PLPP4: variants seen among roughly 807,000 people sequenced by gnomAD.
PLPP4 encodes the protein phospholipid phosphatase 4, also known as diacylglycerol pyrophosphate like 2.
A neutral mutation model predicts 32.2 loss-of-function variants in PLPP4; 20 were observed. That is an observed-to-expected ratio of 0.62 (90% CI 0.44 to 0.90). The LOEUF is 0.90. Ranked by LOEUF, PLPP4 falls within the 40% of genes least tolerant of loss-of-function variation. The pLI is 0.00. For missense variants in PLPP4, 257 were observed against 353.1 expected, an observed-to-expected ratio of 0.73 and a Z score of 2.18; for synonymous variants, 127 against 133.0, an observed-to-expected ratio of 0.95 and a Z score of 0.31.
At chr10:120,518,310 C>G (rs976205578) in intron 3 of PLPP4, among the ~76,000 whole-genome samples, 18 of 152,254 alleles carry the variant, frequency 1.2e-4, no homozygotes, top group East Asian at 7.7e-4. Flanking sequence ...TGCACCTTGG[C>G]AGAAACAGTG....
chr10:120,514,518 A>G (rs1845860007), intron 3 of PLPP4, among the ~76,000 whole-genome samples: 1 of 152,214 alleles, frequency 6.6e-6, no homozygotes, highest in Non-Finnish European at 1.5e-5. Context: ...TTTGGTAGTT[A>G]AGTGTTCATT....
In PLPP4 at chr10:120,590,910, A is replaced by T. The variant is rs960315468; in HGVS notation, c.*1408A>T. 6.6e-6 allele frequency among the ~76,000 whole-genome samples: 1 copy of T among 152,018 alleles called. No homozygotes were observed. The highest frequency in any genetic ancestry group is 2.4e-5 in the African/African-American group (1 of 41,382). On this transcript the variant is annotated 3_prime_UTR_variant, in exon 7 of 7. Transcript: ENST00000398250. ...CAGCCTCCCAAGTAGCTAGGACTAC[A>T]GGTGCCCGCCACCACACCTGGCTAA...
chr10:120,565,315 GGTGTGTGTGTGTGTGTGTGTGTGTGT>G (rs58655566), intron 5 of PLPP4, among the ~76,000 whole-genome samples: 1 of 142,602 alleles, frequency 7.0e-6, no homozygotes, highest in Admixed American at 7.0e-5. Context: ...TTGTTTGTGT[GGTGTGTGTGTGTGTGTGTGTGTGTGT>G]GTGTGTGTGT....
chr10:120,474,172 A>G (rs1426817790), intron 1 of PLPP4, among the ~76,000 whole-genome samples: 1 of 152,192 alleles, frequency 6.6e-6, no homozygotes, highest in Non-Finnish European at 1.5e-5. Flanking sequence ...GACAAAATAT[A>G]TGAGTTCAAT....
intron 5 of PLPP4, among the ~76,000 whole-genome samples, chr10:120,572,563 A>G (rs539626377): frequency 8.5e-5 from 13 of 152,296 alleles, no homozygotes; most frequent in African/African-American, 3.1e-4. Flanking sequence ...GATCTTGGAG[A>G]CTTTCATCCA....
intron 1 of PLPP4, among the ~76,000 whole-genome samples, chr10:120,499,241 T>C (rs950706200): frequency 1.3e-5 from 2 of 151,564 alleles, no homozygotes; most frequent in Non-Finnish European, 2.9e-5. Context: ...GCTATAGTCC[T>C]CTACGCTGAA....
intron 1 of PLPP4, among the ~76,000 whole-genome samples, chr10:120,465,300 A>G (rs1848261014): frequency 6.6e-6 from 1 of 152,240 alleles, no homozygotes; most frequent in Non-Finnish European, 1.5e-5. Flanking sequence ...ATTCAACCAG[A>G]AGCTTCAGAG....
chr10:120,578,870 A>ACTCTC (rs1849347860), intron 6 of PLPP4, among the ~76,000 whole-genome samples: 1 of 152,190 alleles, frequency 6.6e-6, no homozygotes, highest in African/African-American at 2.4e-5. Context: ...GGAGAGTTTC[A>ACTCTC]CAGATGATGC....
intron 6 of PLPP4, chr10:120,581,056 C>A: frequency 1.6e-6 from 2 of 1,284,654 alleles, no homozygotes; most frequent in South Asian, 1.2e-5. Context: ...CCTGGCTCAC[C>A]CCTCCCTCCG....
intron 1 of PLPP4, among the ~76,000 whole-genome samples, chr10:120,474,768 A>G (rs145160871): frequency 1.3e-5 from 2 of 152,352 alleles, no homozygotes; most frequent in Non-Finnish European, 2.9e-5. Context: ...AATGATAGTA[A>G]TAACTAATAT....
chr10:120,547,026 T>G (rs1445352416), intron 5 of PLPP4, among the ~76,000 whole-genome samples: 1 of 151,716 alleles, frequency 6.6e-6, no homozygotes, highest in Admixed American at 6.6e-5. Context: ...TTCAATGTTT[T>G]ACTAGAGTTC....
At chr10:120,575,846 C>T (rs891840559) in intron 6 of PLPP4, among the ~76,000 whole-genome samples, 1 of 152,086 alleles carries the variant, frequency 6.6e-6, no homozygotes, top group Non-Finnish European at 1.5e-5. Flanking sequence ...CAAAATAACA[C>T]AAAACAAGGG....
At chr10:120,498,964 A>T in intron 1 of PLPP4, among the ~76,000 whole-genome samples, 1 of 152,180 alleles carries the variant, frequency 6.6e-6, no homozygotes, top group East Asian at 1.9e-4. Context: ...AGATGGGGAA[A>T]GGCTGTCACA....
intron 2 of PLPP4, 141 bp downstream of exon 2, chr10:120,504,067 C>G: frequency 1.6e-6 from 1 of 634,610 alleles, no homozygotes; most frequent in Admixed American, 2.9e-5. Context: ...AATTAAAATC[C>G]AGTTCCATGT....
rs1469960929 is a variant in PLPP4 at position 120,589,763 on chromosome 10, G to A, written c.*261G>A. The A allele has an allele frequency of 3.3e-5, 14 of 429,168 alleles. No homozygotes were observed. The Admixed American group carries it at 3.7e-4, about 11-fold the overall frequency. The allele number at this position is 429,168 out of a possible 1,614,324, so 26.6% of individuals were successfully genotyped here. On this transcript the variant is annotated 3_prime_UTR_variant, in exon 7 of 7. Transcript: ENST00000398250. ...AAGGTGGGGTTTGGGGAGCTTGGCC[G>A]ATTCGTCTATCTGAAATGTTTGCTG...
rs376156515 is a variant in PLPP4 at position 120,486,909 on chromosome 10, G to C, written c.57-16909G>C. 2.6e-5 allele frequency among the ~76,000 whole-genome samples: 4 copies of C among 152,326 alleles called. No individual in the cohort carries two copies. In the East Asian group the frequency reaches 5.8e-4, roughly 22 times the overall value. On this transcript the variant is annotated intron_variant, in intron 1 of 6. Transcript: ENST00000398250. ...CCCACCCGGGCTGCCTCCTGCAGGG[G>C]TCCCAGGTGTATGGACAGACATGAG...
intron 5 of PLPP4, among the ~76,000 whole-genome samples, chr10:120,559,904 A>G (rs1848339767): frequency 1.3e-5 from 2 of 152,194 alleles, no homozygotes; most frequent in South Asian, 4.1e-4. Context: ...GCAGTATTAA[A>G]TCACAGCTGC....
At chr10:120,463,626 A>C (rs1475377471) in intron 1 of PLPP4, among the ~76,000 whole-genome samples, 1 of 152,218 alleles carries the variant, frequency 6.6e-6, no homozygotes, top group African/African-American at 2.4e-5. Context: ...GAATGGCAGC[A>C]CAGCACAGTG....
chr10:120,503,479 C>A, intron 1 of PLPP4: 2 of 1,490,110 alleles, frequency 1.3e-6, no homozygotes, highest in Non-Finnish European at 9.2e-7. Context: ...TTCAAGAGAC[C>A]ATGCTGCTGC....
Sources: gnomAD v4.1 joint callset for allele counts (sites outside exome capture counted in the v4.1 genomes callset) on GRCh38, gnomAD v4.1.1 for gene constraint, MANE v1.5 for transcripts, NCBI Gene and HGNC (gene_info 2026-07-23, HGNC 2026-07-21) for gene names.